GSDME: variants seen among roughly 807,000 people sequenced by gnomAD.
GSDME encodes the protein gasdermin-E.
GSDME carries 44 observed loss-of-function variants against 47.5 expected under a neutral mutation model. That is an observed-to-expected ratio of 0.93 (90% CI 0.73 to 1.19). GSDME has a LOEUF of 1.19. GSDME is among the 50% of genes most tolerant of loss of function. The pLI is 0.00. For synonymous variants in GSDME, 258 were observed against 252.8 expected (o/e 1.02, Z -0.20); for missense variants, 663 against 604.2 (o/e 1.10, Z -1.02).
At chr7:24,731,237 C>A in intron 3 of GSDME, among the ~76,000 whole-genome samples, 1 of 152,196 alleles carries the variant, frequency 6.6e-6, no homozygotes, top group Middle Eastern at 3.2e-3. Context: ...ACTTAAGAAT[C>A]AAATCAACAT....
chr7:24,717,405 G>A (rs750451681), intron 4 of GSDME, 31 bp from the exon 5 acceptor site: 8 of 1,613,868 alleles, frequency 5.0e-6, no homozygotes. Flanking sequence ...TCCCACCTGT[G>A]CACTCGGGCT....
Position 24,726,036 on chromosome 7 carries a change from A to G in GSDME, c.405-6818T>C, listed in dbSNP as rs1037161342. Among the ~76,000 whole-genome samples, 2 of 152,140 alleles carry G rather than the reference A, an allele frequency of 1.3e-5. No homozygotes were observed. The highest frequency in any genetic ancestry group is 4.8e-5 in the African/African-American group (2 of 41,442). On this transcript the variant is annotated intron_variant, in intron 3 of 9. Transcript: ENST00000645220. The surrounding 1 kb of genome is among the most constrained non-coding windows in gnomAD (Gnocchi z 5.6). ...CAGGCAGGAGCTGCTGGGAGGCGGCAGGCAGAGATGGAGGGAGGGAAGCGT... is the reference window on the plus strand; with the variant it reads ...CAGGCAGGAGCTGCTGGGAGGCGGCGGGCAGAGATGGAGGGAGGGAAGCGT...
the GSDME span, among the ~76,000 whole-genome samples, chr7:24,779,785 C>G: frequency 1.3e-5 from 2 of 152,206 alleles, no homozygotes; most frequent in African/African-American, 2.4e-5. This position sits in a 1 kb window ranked among gnomAD's most constrained non-coding sequence, Gnocchi z 6.0. Context: ...TTCTTGGCCT[C>G]AGGATGACTG....
In GSDME at chr7:24,721,993, C is replaced by T. The variant is rs1789806920; in HGVS notation, c.405-2775G>A. Among the ~76,000 whole-genome samples the T allele has an allele frequency of 3.3e-5, 5 of 152,194 alleles. No individual in the cohort carries two copies. The highest frequency in any genetic ancestry group is 3.3e-4 in the Admixed American group (5 of 15,282). On this transcript the variant is annotated intron_variant, in intron 3 of 9. Coordinates refer to ENST00000645220, the MANE Select transcript of GSDME (RefSeq NM_001127453.2). The surrounding 1 kb of genome is among the most constrained non-coding windows in gnomAD (Gnocchi z 4.1). ...CCTGCACCCCCATCATGCTATCACA[C>T]CCTAAGATCACTTCTCTGGAGAGCA...
In GSDME at chr7:24,702,910, T is replaced by G. The variant is rs1169503091; in HGVS notation, c.1184-77A>C. ...ACAGAGCCAGCCCCTGGATGGCACC[T>G]AACTTATATTTTAGTACTTTCCCGC... On this transcript the variant is annotated intron_variant, in intron 8 of 9. Coordinates refer to ENST00000645220, the MANE Select transcript of GSDME (RefSeq NM_001127453.2). The G allele has an allele frequency of 3.9e-6, 5 of 1,272,078 alleles. No homozygotes were observed. The African/African-American group carries it at 5.9e-5, about 15-fold the overall frequency. 78.8% of individuals were successfully genotyped at this position (1,272,078 alleles called of 1,614,324 possible).
the GSDME span, among the ~76,000 whole-genome samples, chr7:24,769,623 A>T: frequency 6.6e-6 from 1 of 152,108 alleles, no homozygotes; most frequent in African/African-American, 2.4e-5. Context: ...AGGACTATAG[A>T]ACGCCTCCCC....
rs1320472017 is a variant in GSDME at position 24,721,450 on chromosome 7, C to T, written c.405-2232G>A. 6.6e-6 allele frequency among the ~76,000 whole-genome samples: 1 copy of T among 152,218 alleles called. No individual in the cohort carries two copies. Among genetic ancestry groups the T allele is most frequent in the African/African-American group, 2.4e-5 (1 of 41,460 alleles). ...GCCTGCAGGGCTGGGGTTCGGATCT[C>T]AGCTCTGCCCTCCCACTGGGCAAGC... On this transcript the variant is annotated intron_variant, in intron 3 of 9. Transcript: ENST00000645220. This position sits in a 1 kb window ranked among gnomAD's most constrained non-coding sequence, Gnocchi z 4.1.
chr7:24,753,463 C>G (rs1790919490), intron 1 of GSDME, among the ~76,000 whole-genome samples: 1 of 152,152 alleles, frequency 6.6e-6, no homozygotes, highest in Non-Finnish European at 1.5e-5. Flanking sequence ...TAAAGCTGTC[C>G]CCAGGAAATA....
chr7:24,794,470 GTCT>G, the GSDME span, among the ~76,000 whole-genome samples: 1 of 152,170 alleles, frequency 6.6e-6, no homozygotes, highest in South Asian at 2.1e-4. Flanking sequence ...ACTGCTGCCT[GTCT>G]TCTTAACCAC....
chr7:24,747,661 T>G (rs935612509), intron 2 of GSDME, among the ~76,000 whole-genome samples: 3 of 150,500 alleles, frequency 2.0e-5, no homozygotes, highest in African/African-American at 7.3e-5. Context: ...GCAGCCTTAC[T>G]TATTAATCAT....
intron 7 of GSDME, chr7:24,707,243 A>C (rs1789147962): frequency 2.2e-6 from 1 of 464,432 alleles, no homozygotes; most frequent in Non-Finnish European, 4.4e-6. Context: ...CTCCCTGCAT[A>C]ATATAATAGA....
chr7:24,702,412 C>A (rs1788906096), intron 9 of GSDME: 1 of 357,662 alleles, frequency 2.8e-6, no homozygotes. Context: ...CACAAAACTG[C>A]CATTGCAAAT....
rs1247963819 is a variant in GSDME at position 24,724,691 on chromosome 7, A to C, written c.405-5473T>G. 2 of 152,248 alleles carry C rather than the reference A, an allele frequency of 1.3e-5. No individual in the cohort carries two copies. Among genetic ancestry groups the C allele is most frequent in the Admixed American group, 6.5e-5 (1 of 15,286 alleles). 9.4% of individuals were successfully genotyped at this position (152,248 alleles called of 1,614,324 possible). Reference sequence around the variant, plus strand: ...GGTTGCCCTTCTGCGCGTACCTGGCAGGTCGATATAACACAAAGACCTGGA... The same window carrying C: ...GGTTGCCCTTCTGCGCGTACCTGGCCGGTCGATATAACACAAAGACCTGGA... On this transcript the variant is annotated intron_variant, in intron 3 of 9. Transcript: ENST00000645220. The surrounding 1 kb of genome is among the most constrained non-coding windows in gnomAD (Gnocchi z 4.8).
At chr7:24,772,918 C>G in the GSDME span, among the ~76,000 whole-genome samples, 1 of 152,168 alleles carries the variant, frequency 6.6e-6, no homozygotes, top group Non-Finnish European at 1.5e-5. This position sits in a 1 kb window ranked among gnomAD's most constrained non-coding sequence, Gnocchi z 4.5. Flanking sequence ...AATCTAATTG[C>G]TATGGACTTG....
chr7:24,788,101 T>C, the GSDME span, among the ~76,000 whole-genome samples: 15 of 152,230 alleles, frequency 9.9e-5, no homozygotes, highest in East Asian at 5.8e-4. The surrounding 1 kb of genome is among the most constrained non-coding windows in gnomAD (Gnocchi z 4.6). Context: ...CCAAGGCTCT[T>C]ATGCGTATCT....
At chr7:24,764,521 G>A in the GSDME span, among the ~76,000 whole-genome samples, 3 of 152,192 alleles carry the variant, frequency 2.0e-5, no homozygotes, top group Non-Finnish European at 2.9e-5. This position sits in a 1 kb window ranked among gnomAD's most constrained non-coding sequence, Gnocchi z 4.4. Context: ...CAGAAATCAA[G>A]TCAGCTTGCT....
the GSDME span, among the ~76,000 whole-genome samples, chr7:24,781,810 C>G: frequency 6.6e-6 from 1 of 152,166 alleles, no homozygotes; most frequent in Non-Finnish European, 1.5e-5. Context: ...GTGGCTTGAT[C>G]ATAGCTCACT....
rs927754977 is a variant in GSDME at position 24,708,115 on chromosome 7, C to T, written c.990+12G>A. The T allele has an allele frequency of 1.9e-6, 3 of 1,614,044 alleles. No homozygotes were observed. The highest frequency in any genetic ancestry group is 1.1e-5 in the South Asian group (1 of 91,082). On this transcript the variant is annotated intron_variant, in intron 7 of 9. Transcript: ENST00000645220. Reference sequence around the variant, plus strand: ...CAGTGAAAACACTGCCTTGAGATGTCTCAGGGCTCACCACTGGTTCCAGGA... The same window carrying T: ...CAGTGAAAACACTGCCTTGAGATGTTTCAGGGCTCACCACTGGTTCCAGGA...
rs374815081 is a variant in GSDME, at chr7:24,744,756, T to C, written c.212-2A>G. On this transcript the variant is annotated splice_acceptor_variant, in intron 2 of 9. Transcript: ENST00000645220. LOFTEE classifies it high-confidence loss of function. The surrounding 1 kb of genome is among the most constrained non-coding windows in gnomAD (Gnocchi z 4.5). Reference sequence around the variant, plus strand: ...TCACAAAGTCCGACTCCACGACCACTGGAATGGAGGAGACGAGCAGAGGAA... The same window carrying C: ...TCACAAAGTCCGACTCCACGACCACCGGAATGGAGGAGACGAGCAGAGGAA... 31 of 1,613,732 alleles carry C rather than the reference T, an allele frequency of 1.9e-5. No homozygotes were observed. Among genetic ancestry groups the C allele is most frequent in the Non-Finnish European group, 2.3e-5 (27 of 1,179,986 alleles).
Sources: allele counts gnomAD v4.1 joint callset (sites outside exome capture counted in the v4.1 genomes callset), GRCh38; gene constraint gnomAD v4.1.1; non-coding constraint Gnocchi (gnomAD v3.1); transcripts MANE v1.5; gene names NCBI Gene and HGNC (gene_info 2026-07-23, HGNC 2026-07-21).